The following ADGRD1 variants were observed in gnomAD, a reference collection of about 807,000 sequenced individuals.
ADGRD1 encodes G-protein coupled receptor 133.
A neutral mutation model predicts 113.4 loss-of-function variants in ADGRD1; 77 were observed. That is an observed-to-expected ratio of 0.68 (90% CI 0.57 to 0.82). The LOEUF is 0.82. Among genes scored for constraint, ADGRD1 ranks in the 40% least tolerant of loss-of-function variants. The probability of loss-of-function intolerance (pLI) is 0.00; values close to 1 mark genes in which losing one functional copy is unlikely to be tolerated. For missense variants in ADGRD1, 1,036 were observed against 1,139.1 expected (o/e 0.91, Z 1.30); for synonymous variants, 474 against 475.0 (o/e 1.00, Z 0.03).
At chr12:131,069,501 AGCAGGACCAGGCGCAGG>A (rs1884986565) in intron 13 of ADGRD1, 1 of 152,412 alleles carries the variant, frequency 6.6e-6, no homozygotes, top group African/African-American at 2.4e-5. Flanking sequence ...TGTAAAACAG[AGCAGGACCAGGCGCAGG>A]GCAGGTCCGT....
chr12:131,111,328 G>C (rs1263898118), intron 18 of ADGRD1, among the ~76,000 whole-genome samples: 1 of 152,156 alleles, frequency 6.6e-6, no homozygotes, highest in African/African-American at 2.4e-5. Flanking sequence ...TTGGGCACAA[G>C]CAGTCCGCCC....
chr12:131,128,989 G>A (rs12830192), intron 20 of ADGRD1, among the ~76,000 whole-genome samples: 3,656 of 79,186 alleles, frequency 0.046, 149 homozygotes, highest in Middle Eastern at 0.08. Context: ...GGTGTGAGTG[G>A]CAGCCCCGCC....
chr12:131,000,417 T>C lies in ADGRD1; in HGVS notation c.1001T>C (p.Leu334Pro). Residue 334 changes from leucine (L) to proline (P), a missense_variant, in exon 9 of 25, where the codon CTG becomes CCG. By Grantham distance (98) the Leu-to-Pro change is moderately conservative (BLOSUM62 -3). Coordinates refer to ENST00000261654, the MANE Select transcript of ADGRD1 (RefSeq NM_198827.5). ...AAAGCCGTGGGAGAGATCCTTCTAC[T>C]GCCTGGTTGGATTGCTCTGTCAGAG... is the stretch of plus-strand genomic sequence containing the variant. ...FLKAVGEILL[L>P]PGWIALSEDS... is the part of the protein sequence containing the mutation. 6.2e-7 allele frequency: 1 copy of C among 1,613,000 alleles called. No homozygotes were observed. The highest frequency in any genetic ancestry group is 8.5e-7 in the Non-Finnish European group (1 of 1,179,396).
At position 131,113,755 on chromosome 12, in the gene ADGRD1, G is replaced by C. The variant is rs1189995453; in HGVS notation, c.2042-4630G>C. The stretch of plus-strand genomic sequence containing the variant: ...CACTGCTCATGCTGTATCATCACGA[G>C]GATGCTTTTGCACACGCTGGTCCTG... On this transcript the variant is annotated intron_variant, in intron 18 of 24. Transcript: ENST00000261654. The surrounding 1 kb of genome is among the most constrained non-coding windows in gnomAD (Gnocchi z 4.9). 6.6e-6 allele frequency among the ~76,000 whole-genome samples: 1 copy of C among 152,098 alleles called. No homozygotes were observed. The highest frequency in any genetic ancestry group is 1.5e-5 in the Non-Finnish European group (1 of 68,018).
intron 15 of ADGRD1, chr12:131,092,032 A>G (rs768725054): frequency 2.6e-5 from 4 of 152,288 alleles, no homozygotes; most frequent in Non-Finnish European, 4.4e-5. Context: ...CTTGGAGGCC[A>G]GAATGCCACA....
intron 13 of ADGRD1, among the ~76,000 whole-genome samples, chr12:131,073,045 G>C (rs1159504937): frequency 6.6e-6 from 1 of 152,192 alleles, no homozygotes; most frequent in Non-Finnish European, 1.5e-5. Flanking sequence ...GGTCTCACCT[G>C]GCCTAACCTT....
intron 15 of ADGRD1, among the ~76,000 whole-genome samples, chr12:131,100,242 G>A (rs1950038956): frequency 6.6e-6 from 1 of 152,106 alleles, no homozygotes; most frequent in Admixed American, 6.5e-5. Flanking sequence ...TTGGTTGATA[G>A]TGGATTACTT....
In ADGRD1 at chr12:130,955,647, T is replaced by C. The variant is rs1166669257; in HGVS notation, c.103+987T>C. 2.6e-5 allele frequency among the ~76,000 whole-genome samples: 4 copies of C among 152,184 alleles called. No homozygotes were observed. The South Asian group carries it at 8.3e-4, about 31-fold the overall frequency. ...GTGGGGAGGAGACCCTGCTAGTGCC[T>C]GAACCCCTGCTGGGAAGCCTGTTGT... On this transcript the variant is annotated intron_variant, in intron 2 of 24. Coordinates refer to ENST00000261654, the MANE Select transcript of ADGRD1 (RefSeq NM_198827.5).
intron 13 of ADGRD1, among the ~76,000 whole-genome samples, chr12:131,044,915 G>A (rs927506449): frequency 2.0e-5 from 3 of 152,248 alleles, no homozygotes; most frequent in African/African-American, 4.8e-5. Flanking sequence ...GCCGCGGTTC[G>A]TGTGGCTGGT....
intron 12 of ADGRD1, among the ~76,000 whole-genome samples, chr12:131,007,661 G>A (rs1351367239): frequency 1.3e-5 from 2 of 152,226 alleles, no homozygotes; most frequent in East Asian, 1.9e-4. Context: ...CCTGCAAACC[G>A]AGGGCCTGGA....
At chr12:131,086,898 T>C (rs1313049644) in intron 15 of ADGRD1, among the ~76,000 whole-genome samples, 2 of 152,228 alleles carry the variant, frequency 1.3e-5, no homozygotes, top group African/African-American at 2.4e-5. Flanking sequence ...ATTTTATTTT[T>C]ATTAAATTAA....
chr12:131,111,665 C>T (rs1950350191), intron 18 of ADGRD1, among the ~76,000 whole-genome samples: 1 of 151,658 alleles, frequency 6.6e-6, no homozygotes, highest in African/African-American at 2.4e-5. Flanking sequence ...TATCTCTCTT[C>T]AAGTTCACTG....
At chr12:131,020,418 G>A (rs1417774457) in intron 13 of ADGRD1, among the ~76,000 whole-genome samples, 1 of 152,260 alleles carries the variant, frequency 6.6e-6, no homozygotes, top group Admixed American at 6.5e-5. Flanking sequence ...GCAGGGCTCT[G>A]CCCCTCATGC....
chr12:131,103,584 C>A (rs1950148546), intron 15 of ADGRD1, among the ~76,000 whole-genome samples: 1 of 152,276 alleles, frequency 6.6e-6, no homozygotes, highest in Non-Finnish European at 1.5e-5. Context: ...ACCTGCCTCA[C>A]CCTGAGCTGG....
chr12:131,138,044 A>T (rs1381549487), intron 23 of ADGRD1, 93 bp from the exon 24 acceptor site: 1 of 986,012 alleles, frequency 1.0e-6, no homozygotes, highest in East Asian at 2.4e-5. Context: ...TCCCTCGCAC[A>T]TCTGGTTCCG....
Position 130,987,324 on chromosome 12 carries a change from C to T in ADGRD1, c.720C>T (p.Ile240=), listed in dbSNP as rs562234701. 30 of 1,614,132 alleles carry T rather than the reference C, an allele frequency of 1.9e-5. No individual in the cohort carries two copies. In the East Asian group the frequency reaches 2.9e-4, roughly 16 times the overall value. ...AGCGGGCTCTGACTCCGGATGAGAT[C>T]GCCATGTACTTCACTGCTGCCATTG... ...IWERALTPDE[I]AMYFTAAIGK... is the part of the protein sequence containing the mutation. The change falls in exon 6 of 25, where the codon ATC becomes ATT. Residue 240 remains isoleucine, a synonymous_variant. Transcript: ENST00000261654.
intron 13 of ADGRD1, among the ~76,000 whole-genome samples, chr12:131,033,702 G>A (rs751676876): frequency 5.3e-5 from 8 of 152,184 alleles, no homozygotes; most frequent in Non-Finnish European, 1.0e-4. Context: ...GGGCTTGCAG[G>A]GGCACGGGAT....
intron 13 of ADGRD1, among the ~76,000 whole-genome samples, chr12:131,051,571 T>A (rs1408537579): frequency 1.3e-5 from 2 of 151,310 alleles, no homozygotes; most frequent in Non-Finnish European, 2.9e-5. Context: ...GCAACCTCCA[T>A]CTCCCAGGTT....
rs757334625 is a variant in ADGRD1 at position 131,084,059 on chromosome 12, C to T, written c.1548-481C>T. On this transcript the variant is annotated intron_variant, in intron 14 of 24. Transcript: ENST00000261654. This position sits in a 1 kb window ranked among gnomAD's most constrained non-coding sequence, Gnocchi z 4.5. ...TCAAGGATGTTCTTTTTAACCGATGCGAGGTCTTTTATCATATTTCTCTCT... is the reference window on the plus strand; with the variant it reads ...TCAAGGATGTTCTTTTTAACCGATGTGAGGTCTTTTATCATATTTCTCTCT... Among the ~76,000 whole-genome samples the T allele has an allele frequency of 2.0e-5, 3 of 152,158 alleles. No homozygotes were observed. Among genetic ancestry groups the T allele is most frequent in the Non-Finnish European group, 2.9e-5 (2 of 68,038 alleles).
Sources: allele counts gnomAD v4.1 joint callset (sites outside exome capture counted in the v4.1 genomes callset), GRCh38; gene constraint gnomAD v4.1.1; non-coding constraint Gnocchi (gnomAD v3.1); transcripts MANE v1.5; gene names NCBI Gene and HGNC (gene_info 2026-07-23, HGNC 2026-07-21).